The following GAS6 variants were observed in gnomAD, a reference collection of about 807,000 sequenced individuals.
GAS6 encodes growth arrest-specific protein 6.
A neutral mutation model predicts 75.8 loss-of-function variants in GAS6; 41 were observed. The ratio of observed to expected loss-of-function variants is 0.54; its 90% CI spans 0.42 to 0.70. The LOEUF (loss-of-function observed/expected upper bound fraction) is 0.70, where lower values mean the gene tolerates loss of function less well. Among genes scored for constraint, GAS6 ranks in the 30% least tolerant of loss-of-function variants. The pLI is 0.00. For missense variants in GAS6, 854 were observed against 940.2 expected, an observed-to-expected ratio of 0.91 and a Z score of 1.20; for synonymous variants, 432 against 412.6, an observed-to-expected ratio of 1.05 and a Z score of -0.57.
intron 10 of GAS6, among the ~76,000 whole-genome samples, chr13:113,829,194 G>C (rs1412543908): frequency 2.8e-4 from 22 of 77,346 alleles, no homozygotes; most frequent in Admixed American, 6.0e-4. Context: ...ATCTCAGGGA[G>C]ACCACCTGAT....
In GAS6 at chr13:113,839,769, C is replaced by T; in HGVS notation, c.425G>A (p.Cys142Tyr). ...GCCCCCCCAGCCAGCTTTACACAGG[C>T]AGAAGAAGTTGCCCATGAGGTCCTG... ...ACQDLMGNFFCLCKAGWGGRL... is the reference protein window; with the variant it reads ...ACQDLMGNFFYLCKAGWGGRL... The change falls in exon 5 of 15, where the codon TGC becomes TAC. Residue 142 changes from cysteine (C) to tyrosine (Y), a missense_variant. By Grantham distance (194) the Cys-to-Tyr change is radical (BLOSUM62 -2). Transcript: ENST00000327773. The T allele has an allele frequency of 6.2e-7, 1 of 1,614,030 alleles. No homozygotes were observed. Among genetic ancestry groups the T allele is most frequent in the Non-Finnish European group, 8.5e-7 (1 of 1,180,010 alleles).
intron 8 of GAS6, among the ~76,000 whole-genome samples, chr13:113,833,915 G>A (rs2051663655): frequency 1.3e-5 from 2 of 150,528 alleles, no homozygotes; most frequent in Non-Finnish European, 3.0e-5. Flanking sequence ...GTGACAGGTC[G>A]GTGTGACAGG....
At position 113,837,795 on chromosome 13, in the gene GAS6, T is replaced by C. The variant is rs2051732535; in HGVS notation, c.589+274A>G. The stretch of plus-strand genomic sequence containing the variant: ...CCAGGCTCTGTGAGGCTCTGGGGAA[T>C]GGACGAGGCCCTACAGCCAGCAGTG... On this transcript the variant is annotated intron_variant, in intron 6 of 14. Coordinates refer to ENST00000327773, the MANE Select transcript of GAS6 (RefSeq NM_000820.4). This position sits in a 1 kb window ranked among gnomAD's most constrained non-coding sequence, Gnocchi z 5.1. Among the ~76,000 whole-genome samples the C allele has an allele frequency of 6.6e-6, 1 of 152,006 alleles. No homozygotes were observed. Among genetic ancestry groups the C allele is most frequent in the African/African-American group, 2.4e-5 (1 of 41,384 alleles).
Position 113,848,820 on chromosome 13 carries a change from CAAAT to C in GAS6, c.256-774_256-771del, listed in dbSNP as rs141208626. Among the ~76,000 whole-genome samples, 4,708 of 152,288 alleles carry C rather than the reference CAAAT, an allele frequency of 0.031. 256 individuals carry two copies. The highest frequency in any genetic ancestry group is 0.11 in the African/African-American group (4,476 of 41,518). On this transcript the variant is annotated intron_variant, in intron 2 of 14. Coordinates refer to ENST00000327773, the MANE Select transcript of GAS6 (RefSeq NM_000820.4). This position sits in a 1 kb window ranked among gnomAD's most constrained non-coding sequence, Gnocchi z 4.8. Reference sequence around the variant, plus strand: ...TTTACACTATTTTATGAAATCCTCACAAATAACACCCAGGAAGGTCTTTTTAATC... The same window carrying C: ...TTTACACTATTTTATGAAATCCTCACAACACCCAGGAAGGTCTTTTTAATC...
At position 113,835,551 on chromosome 13, in the gene GAS6, T is replaced by C; in HGVS notation, c.674A>G (p.Glu225Gly). ...LPGSYSCLCD[E>G]GFAYSSQEKA... The stretch of plus-strand genomic sequence containing the variant: ...CTCCTGGGAGCTGTACGCAAAGCCC[T>C]CGTCACAGAGGCAGGAGTAGGAGCC... The change falls in exon 7 of 15, where the codon GAG becomes GGG. Residue 225 changes from glutamate to glycine, a missense_variant. Glu to Gly is a moderately conservative substitution (Grantham distance 98). Transcript: ENST00000327773. The C allele has an allele frequency of 6.2e-7, 1 of 1,612,454 alleles. No individual in the cohort carries two copies. The highest frequency in any genetic ancestry group is 8.5e-7 in the Non-Finnish European group (1 of 1,179,842).
intron 4 of GAS6, chr13:113,842,196 T>A: frequency 5.9e-6 from 1 of 168,364 alleles, no homozygotes. Context: ...GTTTCCTCTA[T>A]AAGCCTCAGT....
rs1566349273 is a variant in GAS6 at position 113,820,875 on chromosome 13, CG to C, written c.2025del (p.Ala676ProfsTer82). The C allele has an allele frequency of 1.2e-6, 2 of 1,610,226 alleles. No homozygotes were observed. Among genetic ancestry groups the C allele is most frequent in the Non-Finnish European group, 8.5e-7 (1 of 1,179,626 alleles). ...CGTCCCGTGGGGGCCTAGGCTGCGG[CG>C]GGCTCCACGGGGGGGCAGGAGTGGG... Reference protein sequence around the residue: ...ITAHSCPPVEPAAA With the variant: ...ITAHSCPPVEXAAA On this transcript the variant is annotated frameshift_variant, in exon 15 of 15. Coordinates refer to ENST00000327773, the MANE Select transcript of GAS6 (RefSeq NM_000820.4). LOFTEE classifies it high-confidence loss of function.
chr13:113,863,729 G>A lies in GAS6; in HGVS notation c.101C>T (p.Pro34Leu), dbSNP rs2051992567. 1.3e-6 allele frequency: 2 copies of A among 1,497,226 alleles called. No individual in the cohort carries two copies. Among genetic ancestry groups the A allele is most frequent in the South Asian group, 2.5e-5 (2 of 79,936 alleles). 92.7% of individuals were successfully genotyped at this position (1,497,226 alleles called of 1,614,324 possible). Residue 34 changes from proline to leucine, a missense_variant, in exon 2 of 15, where the codon CCG becomes CTG. By Grantham distance (98) the Pro-to-Leu change is moderately conservative. Coordinates refer to ENST00000327773, the MANE Select transcript of GAS6 (RefSeq NM_000820.4). This position sits in a 1 kb window ranked among gnomAD's most constrained non-coding sequence, Gnocchi z 9.4. ...CAGGAACTGCGTGGCCTCGCGCGCC[G>A]GCAACAGCGCGGCTGCCCGGAGGGA... ...AAECALAALLPAREATQFLRP... is the reference protein window; with the variant it reads ...AAECALAALLLAREATQFLRP...
intron 2 of GAS6, among the ~76,000 whole-genome samples, chr13:113,860,424 CA>C (rs2051962049): frequency 6.6e-6 from 1 of 152,154 alleles, no homozygotes; most frequent in Admixed American, 6.5e-5. Flanking sequence ...AGGACCTGGG[CA>C]GTAGGGCTGG....
chr13:113,862,537 C>T (rs1368571319), intron 2 of GAS6, among the ~76,000 whole-genome samples: 4 of 152,200 alleles, frequency 2.6e-5, no homozygotes, highest in Non-Finnish European at 5.9e-5. Flanking sequence ...AAGGAGGGCA[C>T]GGGCCTGTGG....
intron 4 of GAS6, chr13:113,843,005 A>G (rs975736492): frequency 2.5e-6 from 1 of 394,960 alleles, no homozygotes. Context: ...TTGGGAATGT[A>G]TTGATACCTC....
chr13:113,830,748 G>C (rs1594193843), intron 10 of GAS6, among the ~76,000 whole-genome samples: 1 of 107,162 alleles, frequency 9.3e-6, no homozygotes, highest in African/African-American at 4.0e-5. Flanking sequence ...CCCTCCAGGC[G>C]ACCTCGCCTC....
rs1380032443 is a variant in GAS6, at chr13:113,863,087, G to A, written c.255+488C>T. On this transcript the variant is annotated intron_variant, in intron 2 of 14. Transcript: ENST00000327773. This position sits in a 1 kb window ranked among gnomAD's most constrained non-coding sequence, Gnocchi z 9.4. ...GGCCGCGGAGCCGCCCTCCCCTCCCGCATGCGGCCCCGCTCGATTCCTGGA... is the reference window on the plus strand; with the variant it reads ...GGCCGCGGAGCCGCCCTCCCCTCCCACATGCGGCCCCGCTCGATTCCTGGA... Among the ~76,000 whole-genome samples, 3 of 152,268 alleles carry A rather than the reference G, an allele frequency of 2.0e-5. No individual in the cohort carries two copies. The highest frequency in any genetic ancestry group is 4.4e-5 in the Non-Finnish European group (3 of 67,992).
intron 8 of GAS6, chr13:113,833,150 T>A: frequency 8.8e-7 from 1 of 1,141,444 alleles, no homozygotes; most frequent in Non-Finnish European, 1.1e-6. Flanking sequence ...TGGGCTGTGG[T>A]TTCTCCACGC....
chr13:113,862,970 C>T (rs2051984653), intron 2 of GAS6, among the ~76,000 whole-genome samples: 1 of 152,122 alleles, frequency 6.6e-6, no homozygotes, highest in South Asian at 2.1e-4. Flanking sequence ...GCCCCGCCTT[C>T]TCCAAGGACA....
intron 2 of GAS6, among the ~76,000 whole-genome samples, chr13:113,851,073 G>T (rs2051869638): frequency 6.6e-6 from 1 of 152,016 alleles, no homozygotes; most frequent in Admixed American, 6.6e-5. Flanking sequence ...ATGAACAAAT[G>T]AATGAGTGGA....
intron 2 of GAS6, among the ~76,000 whole-genome samples, chr13:113,859,376 ATG>A (rs1258709834): frequency 6.8e-6 from 1 of 146,270 alleles, no homozygotes; most frequent in Non-Finnish European, 1.5e-5. Context: ...GTCTATGTGA[ATG>A]TGTGCATGTA....
chr13:113,826,147 G>A (rs1285289605), intron 12 of GAS6, among the ~76,000 whole-genome samples: 1 of 152,188 alleles, frequency 6.6e-6, no homozygotes, highest in African/African-American at 2.4e-5. Context: ...GGCGTCACAG[G>A]ACTGGGCCAG....
chr13:113,849,241 G>A (rs1478224526), intron 2 of GAS6, among the ~76,000 whole-genome samples: 2 of 152,114 alleles, frequency 1.3e-5, no homozygotes, highest in Non-Finnish European at 2.9e-5. Flanking sequence ...TGCAGCTCAC[G>A]TGTCTGTTGG....
Sources: gnomAD v4.1 joint callset for allele counts (sites outside exome capture counted in the v4.1 genomes callset) on GRCh38, gnomAD v4.1.1 for gene constraint, Gnocchi (gnomAD v3.1) non-coding constraint, MANE v1.5 for transcripts, NCBI Gene and HGNC (gene_info 2026-07-23, HGNC 2026-07-21) for gene names.